CDH10: variants seen among roughly 807,000 people sequenced by gnomAD.
CDH10 encodes cadherin 10.
Under a neutral mutation model 73.1 loss-of-function variants are expected in CDH10, and 30 were observed. That is an observed-to-expected ratio of 0.41 (90% CI 0.31 to 0.56). The LOEUF (loss-of-function observed/expected upper bound fraction) is 0.56. Ranked by LOEUF, CDH10 falls within the 20% of genes least tolerant of loss-of-function variation. CDH10 has a pLI of 0.27. For missense variants in CDH10, 815 were observed against 973.7 expected, an observed-to-expected ratio of 0.84 and a Z score of 2.17; for synonymous variants, 345 against 348.2, an observed-to-expected ratio of 0.99 and a Z score of 0.10.
At chr5:24,612,908 A>T (rs1746996236) in intron 1 of CDH10, 1 of 152,156 alleles carries the variant, frequency 6.6e-6, no homozygotes, top group Admixed American at 6.6e-5. Flanking sequence ...TCAATTTTTT[A>T]AAAGATGACT....
At chr5:24,579,032 G>A (rs1745696709) in intron 2 of CDH10, among the ~76,000 whole-genome samples, 1 of 151,918 alleles carries the variant, frequency 6.6e-6, no homozygotes, top group Non-Finnish European at 1.5e-5. Context: ...GTTCAAATGA[G>A]AAATATTATT....
intron 5 of CDH10, among the ~76,000 whole-genome samples, chr5:24,529,027 G>GTCTA (rs1410644846): frequency 6.6e-6 from 1 of 151,862 alleles, no homozygotes; most frequent in East Asian, 1.9e-4. Flanking sequence ...CTAATACATT[G>GTCTA]TCTATCTCAT....
intron 2 of CDH10, among the ~76,000 whole-genome samples, chr5:24,565,631 T>G (rs1225141113): frequency 6.6e-6 from 1 of 152,154 alleles, no homozygotes; most frequent in East Asian, 1.9e-4. Context: ...TAATTAGATT[T>G]GGAGATAGGG....
chr5:24,496,179 T>C (rs145815751), intron 9 of CDH10, among the ~76,000 whole-genome samples: 1 of 152,312 alleles, frequency 6.6e-6, no homozygotes, highest in African/African-American at 2.4e-5. Flanking sequence ...TGTGGTTTGA[T>C]AAGTCATTTA....
At chr5:24,511,696 A>C (rs1742917715) in intron 5 of CDH10, among the ~76,000 whole-genome samples, 182 bp from the exon 6 acceptor site, 1 of 152,220 alleles carries the variant, frequency 6.6e-6, no homozygotes, top group Admixed American at 6.5e-5. Flanking sequence ...TAACATGGAT[A>C]ACATTAAGGT....
chr5:24,606,795 A>G lies in CDH10; in HGVS notation c.-123-13182T>C, dbSNP rs542342091. ...TTACACAGGAAGCAAAACTTACTAC[A>G]TATCCATTATATATCTAAATATGCA... is the stretch of plus-strand genomic sequence containing the variant. On this transcript the variant is annotated intron_variant, in intron 1 of 11. Transcript: ENST00000264463. 3.3e-5 allele frequency among the ~76,000 whole-genome samples: 5 copies of G among 152,346 alleles called. No individual in the cohort carries two copies. In the South Asian group the frequency reaches 1.0e-3, roughly 32 times the overall value.
intron 5 of CDH10, among the ~76,000 whole-genome samples, chr5:24,521,882 T>A (rs1743345035): frequency 6.6e-6 from 1 of 152,142 alleles, no homozygotes; most frequent in South Asian, 2.1e-4. Context: ...ACACCTATAA[T>A]CCCAGCACTT....
At chr5:24,556,521 T>C (rs1371482478) in intron 2 of CDH10, among the ~76,000 whole-genome samples, 1 of 151,822 alleles carries the variant, frequency 6.6e-6, no homozygotes, top group Non-Finnish European at 1.5e-5. Context: ...TTTTTACCAG[T>C]TATTTTATAT....
intron 9 of CDH10, among the ~76,000 whole-genome samples, chr5:24,494,158 TA>T (rs201137380): frequency 0.02 from 3,084 of 151,958 alleles, 109 homozygotes; most frequent in African/African-American, 0.071. Flanking sequence ...AAGTACATTT[TA>T]AAAACATAGC....
At position 24,554,104 on chromosome 5, in the gene CDH10, AGGTGGGCGG is replaced by A. The variant is rs1744666744; in HGVS notation, c.232-16439_232-16431del. 16 of 38,608 alleles carry A rather than the reference AGGTGGGCGG, an allele frequency of 4.1e-4. 1 individual carries two copies. The highest frequency in any genetic ancestry group is 2.2e-3 in the Admixed American group (7 of 3,238). The allele number at this position is 38,608 out of a possible 1,614,324, so 2.4% of individuals were successfully genotyped here. On this transcript the variant is annotated intron_variant, in intron 2 of 11. Coordinates refer to ENST00000264463, the MANE Select transcript of CDH10 (RefSeq NM_006727.5). ...GAGAGACAGAGAGAGAGAGAAGGGG[AGGTGGGCGG>A]GGGGGGGAGAGAGAGAGACATTCAA...
intron 2 of CDH10, among the ~76,000 whole-genome samples, chr5:24,585,944 G>C (rs899927431): frequency 2.0e-5 from 3 of 152,166 alleles, no homozygotes; most frequent in Admixed American, 1.3e-4. Context: ...CTATGATGCA[G>C]ACTTGCAAAT....
At chr5:24,531,902 G>A (rs1293051753) in intron 5 of CDH10, among the ~76,000 whole-genome samples, 1 of 152,036 alleles carries the variant, frequency 6.6e-6, no homozygotes, top group Non-Finnish European at 1.5e-5. Flanking sequence ...GGGATATTGG[G>A]CCAGATAACT....
chr5:24,526,878 C>T (rs1743552744), intron 5 of CDH10, among the ~76,000 whole-genome samples: 1 of 151,816 alleles, frequency 6.6e-6, no homozygotes, highest in African/African-American at 2.4e-5. Context: ...CATAATCTCA[C>T]CTCTCACAAT....
chr5:24,512,391 T>C (rs1480686812), intron 5 of CDH10, among the ~76,000 whole-genome samples: 1 of 152,224 alleles, frequency 6.6e-6, no homozygotes, highest in Non-Finnish European at 1.5e-5. Flanking sequence ...CCACAGGATA[T>C]ACACTGAATG....
chr5:24,499,539 T>A (rs560080947), intron 8 of CDH10: 19 of 151,978 alleles, frequency 1.3e-4, no homozygotes, highest in African/African-American at 4.3e-4. Flanking sequence ...ATACAAAAAA[T>A]AGCCAGGTGT....
intron 2 of CDH10, among the ~76,000 whole-genome samples, chr5:24,590,728 C>A (rs374257049): frequency 8.5e-5 from 13 of 152,160 alleles, no homozygotes; most frequent in Admixed American, 5.2e-4. Flanking sequence ...CTGCTCCACA[C>A]AGGTGCTTTT....
chr5:24,635,341 C>A (rs1316597669), intron 1 of CDH10, among the ~76,000 whole-genome samples: 1 of 151,996 alleles, frequency 6.6e-6, no homozygotes, highest in Admixed American at 6.6e-5. Flanking sequence ...GGAAACATTA[C>A]TGCAGTGTAT....
At chr5:24,601,050 A>C (rs552834053) in intron 1 of CDH10, among the ~76,000 whole-genome samples, 1 of 152,270 alleles carries the variant, frequency 6.6e-6, no homozygotes, top group Non-Finnish European at 1.5e-5. Flanking sequence ...GCAAAGAGCC[A>C]TATATTAATA....
intron 2 of CDH10, among the ~76,000 whole-genome samples, chr5:24,587,867 A>C (rs1334529856): frequency 1.3e-5 from 2 of 152,168 alleles, no homozygotes; most frequent in Non-Finnish European, 2.9e-5. Context: ...TGAGATTTGA[A>C]GATGTATTTT....
Sources: gnomAD v4.1 joint callset for allele counts (sites outside exome capture counted in the v4.1 genomes callset) on GRCh38, gnomAD v4.1.1 for gene constraint, MANE v1.5 for transcripts, NCBI Gene and HGNC (gene_info 2026-07-23, HGNC 2026-07-21) for gene names.